The following DCDC2C variants were observed in gnomAD, a reference collection of about 807,000 sequenced individuals.
DCDC2C encodes the protein doublecortin domain containing 2C.
In DCDC2C, 44 loss-of-function variants were observed where a neutral mutation model predicts 45.0. The observed-to-expected ratio is 0.98, with a 90% CI of 0.77 to 1.26. The LOEUF (loss-of-function observed/expected upper bound fraction) is 1.26. DCDC2C is among the 50% of genes most tolerant of loss of function. The pLI is 0.00. For synonymous variants in DCDC2C, 187 were observed against 178.8 expected (o/e 1.05, Z -0.37); for missense variants, 447 against 468.9 (o/e 0.95, Z 0.43).
chr2:3,809,560 C>T lies in DCDC2C; in HGVS notation c.1065+24460C>T, dbSNP rs181887594. 3.0e-4 allele frequency among the ~76,000 whole-genome samples: 45 copies of T among 152,212 alleles called. 1 individual carries two copies. Among genetic ancestry groups the T allele is most frequent in the Admixed American group, 2.7e-3 (41 of 15,284 alleles). On this transcript the variant is annotated intron_variant, in intron 10 of 10. Transcript: ENST00000399143. ...AGAAAAACTATTGACTTTTTTATAT[C>T]GACCTGAATCCTGAAATCTTGATGA...
At chr2:3,733,270 C>A (rs561017627) in intron 3 of DCDC2C, among the ~76,000 whole-genome samples, 48 of 152,312 alleles carry the variant, frequency 3.2e-4, no homozygotes, top group African/African-American at 1.2e-3. Context: ...GGGTATGTTT[C>A]TGGCAGATGA....
intron 6 of DCDC2C, among the ~76,000 whole-genome samples, chr2:3,762,202 G>A (rs1217225226): frequency 8.2e-6 from 1 of 122,640 alleles, no homozygotes. Context: ...GTAGATCCAT[G>A]TTGTTCTGAC....
At chr2:3,719,314 T>A (rs1330756285) in intron 2 of DCDC2C, among the ~76,000 whole-genome samples, 1 of 152,188 alleles carries the variant, frequency 6.6e-6, no homozygotes, top group African/African-American at 2.4e-5. Flanking sequence ...CTCAATCTTC[T>A]GACCTCATGA....
rs55776094 is a variant in DCDC2C, at chr2:3,725,701, G to A, written c.340-1302G>A. 7.5e-4 allele frequency among the ~76,000 whole-genome samples: 114 copies of A among 151,168 alleles called. 1 individual carries two copies. Among genetic ancestry groups the A allele is most frequent in the Admixed American group, 1.1e-3 (17 of 15,216 alleles). On this transcript the variant is annotated intron_variant, in intron 2 of 10. Transcript: ENST00000399143. ...GGAGGCTGCCAGGTGGATCCCAGAG[G>A]GAGATGAGCAAAGAGTGACGAGGCT... is the stretch of plus-strand genomic sequence containing the variant.
At chr2:3,799,129 C>T (rs1671041555) in intron 10 of DCDC2C, among the ~76,000 whole-genome samples, 1 of 152,102 alleles carries the variant, frequency 6.6e-6, no homozygotes, top group African/African-American at 2.4e-5. Flanking sequence ...TTTCATCTTC[C>T]ATTGCTGATA....
intron 10 of DCDC2C, among the ~76,000 whole-genome samples, chr2:3,799,478 T>G (rs1260350192): frequency 7.9e-5 from 12 of 152,186 alleles, no homozygotes; most frequent in African/African-American, 2.9e-4. Context: ...TCTGCTCTGT[T>G]TTTTCCCCAT....
chr2:3,831,050 C>A (rs17508302), intron 10 of DCDC2C, among the ~76,000 whole-genome samples: 1 of 151,924 alleles, frequency 6.6e-6, no homozygotes, highest in Non-Finnish European at 1.5e-5. Flanking sequence ...ATTTACTTGG[C>A]GACTTTCCTC....
At chr2:3,779,952 T>C (rs1405937559) in intron 9 of DCDC2C, among the ~76,000 whole-genome samples, 3 of 152,112 alleles carry the variant, frequency 2.0e-5, no homozygotes, top group Non-Finnish European at 2.9e-5. Context: ...AGGAAGTTAG[T>C]TCAGGTTTTT....
chr2:3,731,357 T>C (rs1194243656), intron 3 of DCDC2C, among the ~76,000 whole-genome samples: 3 of 152,170 alleles, frequency 2.0e-5, no homozygotes, highest in Admixed American at 6.5e-5. Context: ...CATTTAGCCA[T>C]TTGAAGGTCA....
rs1558253810 is a variant in DCDC2C at position 3,847,889 on chromosome 2, A to T, written c.*706A>T. On this transcript the variant is annotated 3_prime_UTR_variant, in exon 11 of 11. Coordinates refer to ENST00000399143, the MANE Select transcript of DCDC2C (RefSeq NM_001287444.2). ...TCTCCTGCTCTGCCATGTGAAAAAG[A>T]TTCTTGCTTCCCCTTCGCCCTTCTG... is the stretch of plus-strand genomic sequence containing the variant. 6.6e-6 allele frequency among the ~76,000 whole-genome samples: 1 copy of T among 151,998 alleles called. No individual in the cohort carries two copies.
At chr2:3,762,196 A>T (rs1265324423) in intron 6 of DCDC2C, among the ~76,000 whole-genome samples, 1 of 129,098 alleles carries the variant, frequency 7.7e-6, no homozygotes. Context: ...GCTGCTGTAG[A>T]TCCATGTTGT....
intron 10 of DCDC2C, among the ~76,000 whole-genome samples, chr2:3,785,587 G>C (rs1239327792): frequency 6.6e-6 from 1 of 152,148 alleles, no homozygotes; most frequent in African/African-American, 2.4e-5. Flanking sequence ...CGGATGTGTA[G>C]CTGGGCCGGG....
In DCDC2C at chr2:3,703,956, G is replaced by T. The variant is rs374188807; in HGVS notation, c.205G>T (p.Gly69Trp). Residue 69 changes from glycine (G) to tryptophan (W), a missense_variant, in exon 1 of 11, where the codon GGG becomes TGG. By Grantham distance (184) the Gly-to-Trp change is radical. Transcript: ENST00000399143. This position sits in a 1 kb window ranked among gnomAD's most constrained non-coding sequence, Gnocchi z 4.4. ...GCGCCGCCTCTTCACGCCCACGCGT[G>T]GGCACCGGGTGCTGGGGCTGGACGC... ...GVRRLFTPTR[G>W]HRVLGLDALQ... 1 of 1,316,840 alleles carries T rather than the reference G, an allele frequency of 7.6e-7. No individual in the cohort carries two copies. The highest frequency in any genetic ancestry group is 9.7e-7 in the Non-Finnish European group (1 of 1,032,570). 81.6% of individuals were successfully genotyped at this position (1,316,840 alleles called of 1,614,324 possible). A position where few individuals can be genotyped will look rare whatever the true frequency, so the allele number is the denominator to read the frequency against.
At chr2:3,820,097 C>T (rs1013106825) in intron 10 of DCDC2C, among the ~76,000 whole-genome samples, 5 of 152,118 alleles carry the variant, frequency 3.3e-5, no homozygotes, top group African/African-American at 9.7e-5. Flanking sequence ...GCATTGGGAG[C>T]AGAGACTAGG....
intron 2 of DCDC2C, among the ~76,000 whole-genome samples, chr2:3,721,059 C>T (rs796597898): frequency 1.2e-4 from 19 of 152,242 alleles, no homozygotes; most frequent in African/African-American, 4.6e-4. Context: ...ATAACATTCT[C>T]TTATTCTATT....
intron 1 of DCDC2C, 139 bp downstream of exon 1, chr2:3,704,177 A>C: frequency 1.2e-6 from 1 of 858,024 alleles, no homozygotes. Flanking sequence ...GCGTGGATCC[A>C]GCGCAGCCGG....
chr2:3,771,872 G>A (rs577884295), intron 8 of DCDC2C, among the ~76,000 whole-genome samples: 11 of 152,358 alleles, frequency 7.2e-5, no homozygotes, highest in Admixed American at 2.6e-4. Flanking sequence ...GGGAAGGTGC[G>A]TATATCCGTG....
At chr2:3,803,587 T>A (rs1325165066) in intron 10 of DCDC2C, among the ~76,000 whole-genome samples, 1 of 152,256 alleles carries the variant, frequency 6.6e-6, no homozygotes, top group Non-Finnish European at 1.5e-5. Flanking sequence ...TGAACTTAGG[T>A]CTTTATGTGC....
intron 3 of DCDC2C, among the ~76,000 whole-genome samples, chr2:3,741,654 AG>A (rs561964558): frequency 9.9e-4 from 150 of 152,222 alleles, no homozygotes; most frequent in South Asian, 2.1e-3. Context: ...CTCTTTCTGT[AG>A]CCCACTGTTG....
Sources: allele counts gnomAD v4.1 joint callset (sites outside exome capture counted in the v4.1 genomes callset), GRCh38; gene constraint gnomAD v4.1.1; non-coding constraint Gnocchi (gnomAD v3.1); transcripts MANE v1.5; gene names NCBI Gene and HGNC (gene_info 2026-07-23, HGNC 2026-07-21).